The following E2F4 variants were observed in gnomAD, a reference collection of about 807,000 sequenced individuals.
E2F4 encodes transcription factor E2F4.
In E2F4, 16 loss-of-function variants were observed where a neutral mutation model predicts 44.5. The ratio of observed to expected loss-of-function variants is 0.36; its 90% CI spans 0.24 to 0.55. The LOEUF (loss-of-function observed/expected upper bound fraction) is 0.55. Among genes scored for constraint, E2F4 ranks in the 20% least tolerant of loss-of-function variants. The pLI, the probability that E2F4 is intolerant of heterozygous loss-of-function variation, is 0.87. For synonymous variants in E2F4, 242 were observed against 207.2 expected (o/e 1.17, Z -1.44); for missense variants, 473 against 522.1 (o/e 0.91, Z 0.92).
rs2033015882 is a variant in E2F4, at chr16:67,198,573, CT to C, written c.*451del. On this transcript the variant is annotated 3_prime_UTR_variant, in exon 10 of 10. Transcript: ENST00000379378. ...AGCTTCCTTCGCTATCCCCCACCCCCTGACCCTCCAGCTCCTCCTGGCCCTC... is the reference window on the plus strand; with the variant it reads ...AGCTTCCTTCGCTATCCCCCACCCCCGACCCTCCAGCTCCTCCTGGCCCTC... The C allele has an allele frequency of 5.2e-6, 1 of 190,978 alleles. No individual in the cohort carries two copies. Among genetic ancestry groups the C allele is most frequent in the Non-Finnish European group, 1.1e-5 (1 of 91,218 alleles). 11.8% of individuals were successfully genotyped at this position (190,978 alleles called of 1,614,324 possible). A position where few individuals can be genotyped will look rare whatever the true frequency, so the allele number is the denominator to read the frequency against.
chr16:67,195,695 G>A, intron 6 of E2F4, 87 bp from the exon 7 acceptor site: 1 of 1,582,336 alleles, frequency 6.3e-7, no homozygotes, highest in Non-Finnish European at 8.6e-7. Context: ...CAGGCTTGTG[G>A]TCCTCCTGTG....
At chr16:67,195,747 C>T in intron 6 of E2F4, 35 bp from the exon 7 acceptor site, 1 of 1,613,298 alleles carries the variant, frequency 6.2e-7, no homozygotes, top group Non-Finnish European at 8.5e-7. Flanking sequence ...CTCTTCCTGA[C>T]CTTGTATGAC....
chr16:67,192,694 CCA>C lies in E2F4; in HGVS notation c.136-65_136-64del, dbSNP rs1403922225. On this transcript the variant is annotated intron_variant, in intron 1 of 9. Coordinates refer to ENST00000379378, the MANE Select transcript of E2F4 (RefSeq NM_001950.4). ...GAATCCAGATTACTCCCTTCCCAGA[CCA>C]CGTCTCAGGGTGGCTGGGGGTACAC... 2.7e-6 allele frequency: 4 copies of C among 1,457,896 alleles called. No homozygotes were observed. The African/African-American group carries it at 5.6e-5, about 20-fold the overall frequency. The allele number at this position is 1,457,896 out of a possible 1,614,324, so 90.3% of individuals were successfully genotyped here.
chr16:67,194,745 G>A lies in E2F4; in HGVS notation c.573G>A (p.Glu191=), dbSNP rs1468731131. The A allele has an allele frequency of 6.2e-7, 1 of 1,614,180 alleles. No individual in the cohort carries two copies. The highest frequency in any genetic ancestry group is 1.7e-5 in the Admixed American group (1 of 60,026). The change falls in exon 6 of 10, where the codon GAG becomes GAA. Residue 191 remains glutamate (E), a synonymous_variant. Coordinates refer to ENST00000379378, the MANE Select transcript of E2F4 (RefSeq NM_001950.4). ...TGAAGAGTGTGAGTGGTCCCATTGA[G>A]GTTCTGCTGGTGAACAAGGAGGCAT... ...IHLKSVSGPI[E]VLLVNKEAWS... is the part of the protein sequence containing the mutation.
chr16:67,198,751 ATTTCGGCTTTTT>A lies in E2F4; in HGVS notation c.*629_*640del. 5.3e-6 allele frequency: 1 copy of A among 189,288 alleles called. No homozygotes were observed. Among genetic ancestry groups the A allele is most frequent in the Non-Finnish European group, 1.1e-5 (1 of 91,128 alleles). The allele number at this position is 189,288 out of a possible 1,614,324, so 11.7% of individuals were successfully genotyped here. ...CCTGCTGCCCCATAACCCTCTCTTC[ATTTCGGCTTTTT>A]CATTTACCCTCATTTAGAGCCATTT... On this transcript the variant is annotated 3_prime_UTR_variant, in exon 10 of 10. Coordinates refer to ENST00000379378, the MANE Select transcript of E2F4 (RefSeq NM_001950.4).
At chr16:67,195,045 A>G (rs1597275752) in intron 6 of E2F4, 65 bp downstream of exon 6, 5 of 1,554,850 alleles carry the variant, frequency 3.2e-6, no homozygotes, top group East Asian at 4.5e-5. Context: ...GTGGAACACC[A>G]TGCTCAGAGT....
intron 4 of E2F4, 92 bp from the exon 5 acceptor site, chr16:67,194,306 G>A (rs1339392114): frequency 1.1e-5 from 15 of 1,409,228 alleles, no homozygotes; most frequent in East Asian, 2.3e-5. Context: ...CTCAGGGACC[G>A]TGATCTCCTG....
In E2F4 at chr16:67,192,248, G is replaced by A; in HGVS notation, c.21G>A (p.Gln7=). ...GCGCGATGGCGGAGGCCGGGCCACAGGCGCCGCCGCCCCCGGGCACTCCAA... is the reference window on the plus strand; with the variant it reads ...GCGCGATGGCGGAGGCCGGGCCACAAGCGCCGCCGCCCCCGGGCACTCCAA... MAEAGP[Q]APPPPGTPSR... The change falls in exon 1 of 10, where the codon CAG becomes CAA. Residue 7 remains glutamine, a synonymous_variant. Coordinates refer to ENST00000379378, the MANE Select transcript of E2F4 (RefSeq NM_001950.4). 7.8e-7 allele frequency: 1 copy of A among 1,276,260 alleles called. No individual in the cohort carries two copies. Among genetic ancestry groups the A allele is most frequent in the Non-Finnish European group, 9.9e-7 (1 of 1,008,712 alleles). The allele number at this position is 1,276,260 out of a possible 1,614,324, so 79.1% of individuals were successfully genotyped here.
chr16:67,197,666 C>T lies in E2F4; in HGVS notation c.1081+20C>T. ...CACGAGGTAGGCTGCTGCATTCCTC[C>T]CTGAGGCTAGGGGTAAGGGACACAG... On this transcript the variant is annotated intron_variant, in intron 8 of 9. Coordinates refer to ENST00000379378, the MANE Select transcript of E2F4 (RefSeq NM_001950.4). 6.2e-7 allele frequency: 1 copy of T among 1,613,730 alleles called. No individual in the cohort carries two copies. The highest frequency in any genetic ancestry group is 8.5e-7 in the Non-Finnish European group (1 of 1,179,720).
In E2F4 at chr16:67,192,245, A is replaced by C. The variant is rs1027084240; in HGVS notation, c.18A>C (p.Pro6=). 3 of 1,228,820 alleles carry C rather than the reference A, an allele frequency of 2.4e-6. No individual in the cohort carries two copies. Among genetic ancestry groups the C allele is most frequent in the Non-Finnish European group, 3.1e-6 (3 of 981,776 alleles). 76.1% of individuals were successfully genotyped at this position (1,228,820 alleles called of 1,614,324 possible). Residue 6 remains proline, a synonymous_variant, in exon 1 of 10, where the codon CCA becomes CCC. Transcript: ENST00000379378. ...CGGGCGCGATGGCGGAGGCCGGGCC[A>C]CAGGCGCCGCCGCCCCCGGGCACTC... MAEAG[P]QAPPPPGTPS...
chr16:67,193,214 C>A (rs945922649), intron 3 of E2F4, 44 bp downstream of exon 3: 2 of 1,544,098 alleles, frequency 1.3e-6, no homozygotes, highest in African/African-American at 2.7e-5. Flanking sequence ...GGCAAGGGGC[C>A]CTCTGGTTCA....
At position 67,197,921 on chromosome 16, in the gene E2F4, C is replaced by T; in HGVS notation, c.1126+10C>T. On this transcript the variant is annotated intron_variant, in intron 9 of 9. Transcript: ENST00000379378. ...TTGATGTCCTCAGAAGGTGGGTGGCCCTGGAAGGTGGGAGTGGGTGTGGGC... is the reference window on the plus strand; with the variant it reads ...TTGATGTCCTCAGAAGGTGGGTGGCTCTGGAAGGTGGGAGTGGGTGTGGGC... The T allele has an allele frequency of 6.2e-7, 1 of 1,614,064 alleles. No homozygotes were observed. The highest frequency in any genetic ancestry group is 8.5e-7 in the Non-Finnish European group (1 of 1,180,002).
chr16:67,198,050 A>G lies in E2F4; in HGVS notation c.1169A>G (p.His390Arg), dbSNP rs2142214825. Residue 390 changes from histidine (H) to arginine (R), a missense_variant, in exon 10 of 10, where the codon CAC becomes CGC. Coordinates refer to ENST00000379378, the MANE Select transcript of E2F4 (RefSeq NM_001950.4). Reference protein sequence around the residue: ...LLRLSPPPGDHDYIYNLDESE... With the variant: ...LLRLSPPPGDRDYIYNLDESE... ...CGTCTTTCTCCACCCCCGGGAGACC[A>G]CGATTATATCTACAACCTGGACGAG... The G allele has an allele frequency of 6.2e-7, 1 of 1,614,086 alleles. No homozygotes were observed. The highest frequency in any genetic ancestry group is 8.5e-7 in the Non-Finnish European group (1 of 1,180,002).
Position 67,192,888 on chromosome 16 carries a change from G to T in E2F4, c.245+18G>T, listed in dbSNP as rs368101540. On this transcript the variant is annotated intron_variant, in intron 2 of 9. Transcript: ENST00000379378. ...CAGTGGAAGTGAGTGGGCATAGTGG[G>T]AGGGTAGTAGAGTCTCCCACCCAGA... 33 of 1,597,902 alleles carry T rather than the reference G, an allele frequency of 2.1e-5. No homozygotes were observed. In the African/African-American group the frequency reaches 3.7e-4, roughly 18 times the overall value.
At chr16:67,194,275 G>A (rs919159102) in intron 4 of E2F4, 123 bp from the exon 5 acceptor site, 8 of 1,021,694 alleles carry the variant, frequency 7.8e-6, no homozygotes, top group Non-Finnish European at 1.2e-5. Flanking sequence ...TGGGGGATGG[G>A]TGAGGCCCAC....
intron 3 of E2F4, 25 bp downstream of exon 3, chr16:67,193,195 G>C: frequency 1.3e-6 from 2 of 1,554,668 alleles, no homozygotes; most frequent in Non-Finnish European, 1.7e-6. Flanking sequence ...GTCCCTGCTG[G>C]GGGGAGTGGG....
Position 67,193,106 on chromosome 16 carries a change from G to A in E2F4, c.343G>A (p.Asp115Asn), listed in dbSNP as rs1437564924. The change falls in exon 3 of 10, where the codon GAC (aspartate) becomes AAC (asparagine). Residue 115 changes from aspartate to asparagine, a missense_variant. Physicochemically the swap from Asp to Asn is conservative, Grantham distance 23. Coordinates refer to ENST00000379378, the MANE Select transcript of E2F4 (RefSeq NM_001950.4). Reference protein sequence around the residue: ...EELQQREQELDQHKVWVQQSI... With the variant: ...EELQQREQELNQHKVWVQQSI... ...GCTGCAGCAGCGGGAGCAAGAACTA[G>A]ACCAGCACAAGGTGTGGGTGCAGCA... 6.4e-7 allele frequency: 1 copy of A among 1,573,976 alleles called. No individual in the cohort carries two copies. The highest frequency in any genetic ancestry group is 8.6e-7 in the Non-Finnish European group (1 of 1,159,380).
chr16:67,194,390 C>T lies in E2F4; in HGVS notation c.452-8C>T. ...ATGGGCTCTGACCCATTCTCCATGTCATTCTAGGAGATACCCTCTTGGCCA... is the reference window on the plus strand; with the variant it reads ...ATGGGCTCTGACCCATTCTCCATGTTATTCTAGGAGATACCCTCTTGGCCA... On this transcript the variant is annotated splice_polypyrimidine_tract_variant and splice_region_variant and intron_variant, in intron 4 of 9. Coordinates refer to ENST00000379378, the MANE Select transcript of E2F4 (RefSeq NM_001950.4). 5.0e-6 allele frequency: 8 copies of T among 1,614,016 alleles called. No homozygotes were observed. Among genetic ancestry groups the T allele is most frequent in the Non-Finnish European group, 5.9e-6 (7 of 1,179,966 alleles).
At position 67,198,026 on chromosome 16, in the gene E2F4, G is replaced by C; in HGVS notation, c.1145G>C (p.Arg382Pro). The change falls in exon 10 of 10, where the codon CGT (arginine) becomes CCT (proline). Residue 382 changes from arginine (R) to proline (P), a missense_variant. Arg to Pro is a moderately radical substitution (Grantham distance 103). Transcript: ENST00000379378. The stretch of plus-strand genomic sequence containing the variant: ...TCTGCAGTGTTTGCCCCTCTGCTTC[G>C]TCTTTCTCCACCCCCGGGAGACCAC... Reference protein sequence around the residue: ...MSSEVFAPLLRLSPPPGDHDY... With the variant: ...MSSEVFAPLLPLSPPPGDHDY... The C allele has an allele frequency of 6.2e-7, 1 of 1,614,094 alleles. No homozygotes were observed. The highest frequency in any genetic ancestry group is 8.5e-7 in the Non-Finnish European group (1 of 1,179,990).
Sources: gnomAD v4.1 joint callset for allele counts on GRCh38, gnomAD v4.1.1 for gene constraint, MANE v1.5 for transcripts, NCBI Gene and HGNC (gene_info 2026-07-23, HGNC 2026-07-21) for gene names.